The following SH3D19 variants were observed in gnomAD, a reference collection of about 807,000 sequenced individuals.
The protein encoded by SH3D19 is SH3 domain containing 19.
SH3D19 carries 58 observed loss-of-function variants against 112.1 expected under a neutral mutation model. That is an observed-to-expected ratio of 0.52 (90% CI 0.42 to 0.64). The LOEUF is 0.64. SH3D19 is among the 30% of genes least tolerant of loss of function. The pLI is 0.00. For missense variants in SH3D19, 1,090 were observed against 1,263.4 expected (o/e 0.86, Z 2.08); for synonymous variants, 391 against 448.5 (o/e 0.87, Z 1.62).
At chr4:151,186,210 A>T (rs1479760951) in intron 3 of SH3D19, among the ~76,000 whole-genome samples, 1 of 152,172 alleles carries the variant, frequency 6.6e-6, no homozygotes, top group East Asian at 1.9e-4. Context: ...CCTTTTATTT[A>T]AAAAAGTGTT....
intron 14 of SH3D19, among the ~76,000 whole-genome samples, chr4:151,135,578 C>T (rs1296306343): frequency 6.6e-6 from 1 of 151,892 alleles, no homozygotes; most frequent in East Asian, 1.9e-4. Context: ...CCGGTGTGCA[C>T]CACCACACCC....
chr4:151,237,680 G>A (rs1770232379), intron 1 of SH3D19, among the ~76,000 whole-genome samples: 1 of 152,246 alleles, frequency 6.6e-6, no homozygotes, highest in East Asian at 1.9e-4. Context: ...GGTACACAAA[G>A]GGTAGTATAT....
intron 1 of SH3D19, chr4:151,277,287 A>G: frequency 7.6e-7 from 1 of 1,315,656 alleles, no homozygotes. Flanking sequence ...AGGGCATCAC[A>G]TAGAACAATG....
intron 1 of SH3D19, among the ~76,000 whole-genome samples, chr4:151,250,696 G>T (rs1361763366): frequency 6.6e-6 from 1 of 152,158 alleles, no homozygotes; most frequent in Non-Finnish European, 1.5e-5. Flanking sequence ...AGAAGAAGAG[G>T]AGTCAAACCT....
chr4:151,277,055 G>A, intron 1 of SH3D19: 1 of 662,050 alleles, frequency 1.5e-6, no homozygotes, highest in Admixed American at 4.1e-5. Flanking sequence ...AGGAGAGGAG[G>A]GGGTGAAGCA....
chr4:151,166,674 C>CG lies in SH3D19; in HGVS notation c.1535-979dup, dbSNP rs1342654016. Among the ~76,000 whole-genome samples, 12 of 152,102 alleles carry CG rather than the reference C, an allele frequency of 7.9e-5. No homozygotes were observed. The East Asian group carries it at 2.3e-3, about 29-fold the overall frequency. Reference sequence around the variant, plus strand: ...GCACCTGTTCTATGTATCTTGCCTGCGGGGAGATACTCTCTATAAAACTAT... The same window carrying CG: ...GCACCTGTTCTATGTATCTTGCCTGCGGGGGAGATACTCTCTATAAAACTAT... On this transcript the variant is annotated intron_variant, in intron 7 of 19. Coordinates refer to ENST00000604030, the MANE Select transcript of SH3D19 (RefSeq NM_001378122.1).
At chr4:151,279,894 T>C in intron 1 of SH3D19, 1 of 1,613,834 alleles carries the variant, frequency 6.2e-7, no homozygotes, top group South Asian at 1.1e-5. Context: ...TGACCACAAC[T>C]TTATCTGTGG....
chr4:151,130,978 C>T (rs766462824), intron 17 of SH3D19, among the ~76,000 whole-genome samples: 4 of 151,568 alleles, frequency 2.6e-5, no homozygotes, highest in Non-Finnish European at 5.9e-5. Context: ...GGGAAAAAAA[C>T]CTACCCGTAT....
intron 9 of SH3D19, among the ~76,000 whole-genome samples, chr4:151,158,105 T>C (rs879777137): frequency 6.6e-5 from 10 of 152,240 alleles, no homozygotes; most frequent in Non-Finnish European, 1.2e-4. Flanking sequence ...CCAAACAGAA[T>C]TGGTGAAAAA....
intron 8 of SH3D19, among the ~76,000 whole-genome samples, chr4:151,164,032 G>C (rs541287287): frequency 6.6e-6 from 1 of 151,900 alleles, no homozygotes; most frequent in Admixed American, 6.6e-5. Context: ...CTTGCTACTT[G>C]GCTGAGAGCC....
intron 1 of SH3D19, among the ~76,000 whole-genome samples, chr4:151,286,983 AATAAT>A (rs151172723): frequency 0.21 from 11,807 of 55,584 alleles, 528 homozygotes; most frequent in African/African-American, 0.28. Flanking sequence ...CTGTCTCAAA[AATAAT>A]AATAATAATA....
chr4:151,205,667 A>G (rs1159098447), intron 2 of SH3D19, among the ~76,000 whole-genome samples: 1 of 152,212 alleles, frequency 6.6e-6, no homozygotes, highest in East Asian at 1.9e-4. Context: ...ATAAGAATCA[A>G]TTACTTAATC....
intron 8 of SH3D19, among the ~76,000 whole-genome samples, chr4:151,162,063 T>C (rs967974478): frequency 6.6e-6 from 1 of 152,148 alleles, no homozygotes; most frequent in East Asian, 1.9e-4. Flanking sequence ...ATATGTGCCA[T>C]GATGGTTTGC....
chr4:151,121,727 TA>T lies in SH3D19; in HGVS notation c.*363del. On this transcript the variant is annotated 3_prime_UTR_variant, in exon 20 of 20. Coordinates refer to ENST00000604030, the MANE Select transcript of SH3D19 (RefSeq NM_001378122.1). The stretch of plus-strand genomic sequence containing the variant: ...TAAATGTCCTCTTTTTTAACTAAAG[TA>T]AAAAAATGAAGAAGCATGGTTAATT... 6.1e-6 allele frequency: 1 copy of T among 163,012 alleles called. No homozygotes were observed. Among genetic ancestry groups the T allele is most frequent in the Non-Finnish European group, 1.3e-5 (1 of 75,736 alleles). 10.1% of individuals were successfully genotyped at this position (163,012 alleles called of 1,614,324 possible).
At chr4:151,133,315 TA>T in intron 15 of SH3D19, 79 bp from the exon 16 acceptor site, 1 of 1,164,126 alleles carries the variant, frequency 8.6e-7, no homozygotes. Context: ...AGTCTTTCAA[TA>T]AATATTTATT....
rs1205356127 is a variant in SH3D19 at position 151,325,546 on chromosome 4, G to A, written c.-194C>T. Reference sequence around the variant, plus strand: ...ACCTGCAGCCGGCCGGGCAGCGGCAGGGCGCGGGCCGAGCCGATTCCCCGC... The same window carrying A: ...ACCTGCAGCCGGCCGGGCAGCGGCAAGGCGCGGGCCGAGCCGATTCCCCGC... On this transcript the variant is annotated 5_prime_UTR_variant, in exon 1 of 20. Transcript: ENST00000604030. 1 of 294,528 alleles carries A rather than the reference G, an allele frequency of 3.4e-6. No homozygotes were observed. 18.2% of individuals were successfully genotyped at this position (294,528 alleles called of 1,614,324 possible).
intron 6 of SH3D19, 107 bp from the exon 7 acceptor site, chr4:151,175,781 A>G (rs1186745383): frequency 9.5e-7 from 1 of 1,053,154 alleles, no homozygotes; most frequent in Non-Finnish European, 1.2e-6. Context: ...CATACATGGA[A>G]TATCAAGAGA....
At chr4:151,214,956 G>C (rs1198299164) in intron 2 of SH3D19, among the ~76,000 whole-genome samples, 1 of 146,638 alleles carries the variant, frequency 6.8e-6, no homozygotes, top group African/African-American at 2.5e-5. Flanking sequence ...TTCTCAGATG[G>C]GGCGGCTGGG....
At chr4:151,166,961 G>A (rs1758143968) in intron 7 of SH3D19, among the ~76,000 whole-genome samples, 1 of 152,096 alleles carries the variant, frequency 6.6e-6, no homozygotes, top group African/African-American at 2.4e-5. Context: ...TGCTGGGTGG[G>A]GAAATATGAT....
Sources: gnomAD v4.1 joint callset for allele counts (sites outside exome capture counted in the v4.1 genomes callset) on GRCh38, gnomAD v4.1.1 for gene constraint, MANE v1.5 for transcripts, NCBI Gene and HGNC (gene_info 2026-07-23, HGNC 2026-07-21) for gene names.